The following SIM2 variants were observed in gnomAD, a reference collection of about 807,000 sequenced individuals.
SIM2 encodes single-minded homolog 2.
In SIM2, 28 loss-of-function variants were observed where a neutral mutation model predicts 64.8. The ratio of observed to expected loss-of-function variants is 0.43; its 90% CI spans 0.32 to 0.59. The LOEUF is 0.59. SIM2 is among the 20% of genes least tolerant of loss of function. The pLI is 0.07. For missense variants in SIM2, 847 were observed against 871.4 expected, an observed-to-expected ratio of 0.97 and a Z score of 0.35; for synonymous variants, 408 against 391.1, an observed-to-expected ratio of 1.04 and a Z score of -0.51.
chr21:36,711,032 C>A (rs1364149638), intron 2 of SIM2, among the ~76,000 whole-genome samples: 1 of 152,164 alleles, frequency 6.6e-6, no homozygotes, highest in African/African-American at 2.4e-5. Context: ...TTAATTAATT[C>A]CGGAGTGGTG....
chr21:36,714,214 A>C, intron 3 of SIM2, among the ~76,000 whole-genome samples: 1 of 152,196 alleles, frequency 6.6e-6, no homozygotes, highest in Non-Finnish European at 1.5e-5. Context: ...ACTTGGCCCA[A>C]TTACTTACCT....
In SIM2 at chr21:36,747,833, C is replaced by T. The variant is rs1219474614; in HGVS notation, c.1745C>T (p.Ala582Val). 6 of 1,032,318 alleles carry T rather than the reference C, an allele frequency of 5.8e-6. No homozygotes were observed. The African/African-American group carries it at 8.7e-5, about 15-fold the overall frequency. The allele number at this position is 1,032,318 out of a possible 1,614,324, so 63.9% of individuals were successfully genotyped here. A position where few individuals can be genotyped will look rare whatever the true frequency, so the allele number is the denominator to read the frequency against. The part of the protein sequence containing the change: ...ALARAAPECC[A>V]PPTPEAPGAP... ...GCCCGCGCGGCACCCGAGTGCTGCG[C>T]GCCCCCGACCCCCGAGGCCCCGGGC... Residue 582 changes from alanine to valine, a missense_variant, in exon 11 of 11, where the codon GCG becomes GTG. This residue lies in a region of SIM2 where 447 missense variants were observed against 414.6 expected (regional missense o/e 1.08). Coordinates refer to ENST00000290399, the MANE Select transcript of SIM2 (RefSeq NM_005069.6). The surrounding 1 kb of genome is among the most constrained non-coding windows in gnomAD (Gnocchi z 4.5).
In SIM2 at chr21:36,748,185, A is replaced by G. The variant is rs1161886277; in HGVS notation, c.*93A>G. 2 of 502,370 alleles carry G rather than the reference A, an allele frequency of 4.0e-6. No individual in the cohort carries two copies. Among genetic ancestry groups the G allele is most frequent in the Non-Finnish European group, 5.3e-6 (2 of 375,350 alleles). 31.1% of individuals were successfully genotyped at this position (502,370 alleles called of 1,614,324 possible). ...AAATGCGCACGACCTACATTAATTT[A>G]TGCAGAGACAGCTGTTTGAATTGGA... On this transcript the variant is annotated 3_prime_UTR_variant, in exon 11 of 11. Coordinates refer to ENST00000290399, the MANE Select transcript of SIM2 (RefSeq NM_005069.6).
chr21:36,749,859 G>A lies in SIM2; in HGVS notation c.*1767G>A, dbSNP rs1198162806. On this transcript the variant is annotated 3_prime_UTR_variant, in exon 11 of 11. Coordinates refer to ENST00000290399, the MANE Select transcript of SIM2 (RefSeq NM_005069.6). ...TAGTAAAAATAAATCAAGGCTATCG[G>A]AGCAGTTCAATAACAAAGGTTACTG... 6.6e-6 allele frequency: 1 copy of A among 152,148 alleles called. No individual in the cohort carries two copies. Among genetic ancestry groups the A allele is most frequent in the Admixed American group, 6.5e-5 (1 of 15,268 alleles). The allele number at this position is 152,148 out of a possible 1,614,324, so 9.4% of individuals were successfully genotyped here.
chr21:36,738,333 C>A (rs183297589), intron 7 of SIM2, among the ~76,000 whole-genome samples: 1 of 152,110 alleles, frequency 6.6e-6, no homozygotes, highest in African/African-American at 2.4e-5. Context: ...AGTGAAACCC[C>A]GTCTCTACTA....
At chr21:36,710,636 C>T (rs1223871299) in intron 2 of SIM2, 1 of 152,086 alleles carries the variant, frequency 6.6e-6, no homozygotes, top group Non-Finnish European at 1.5e-5. Context: ...GACGCCATGA[C>T]TTAGGTCAGC....
chr21:36,745,810 C>T lies in SIM2; in HGVS notation c.1576+674C>T, dbSNP rs2089221362. 1 of 1,303,978 alleles carries T rather than the reference C, an allele frequency of 7.7e-7. No homozygotes were observed. Among genetic ancestry groups the T allele is most frequent in the African/African-American group, 1.5e-5 (1 of 65,876 alleles). The allele number at this position is 1,303,978 out of a possible 1,614,324, so 80.8% of individuals were successfully genotyped here. Reference sequence around the variant, plus strand: ...CTGGTGGCAGGCAAGCAGATGTCCTCTGCGGAGATACCGCCAGCTCCCCAG... The same window carrying T: ...CTGGTGGCAGGCAAGCAGATGTCCTTTGCGGAGATACCGCCAGCTCCCCAG... On this transcript the variant is annotated intron_variant, in intron 10 of 10. Transcript: ENST00000290399. The surrounding 1 kb of genome is among the most constrained non-coding windows in gnomAD (Gnocchi z 4.8).
At chr21:36,733,871 AT>A (rs1240117886) in intron 7 of SIM2, among the ~76,000 whole-genome samples, 1 of 151,898 alleles carries the variant, frequency 6.6e-6, no homozygotes, top group Non-Finnish European at 1.5e-5. Flanking sequence ...CGAAGCAGGG[AT>A]TTTTTTCCCC....
At chr21:36,722,379 C>T (rs1026643617) in intron 4 of SIM2, among the ~76,000 whole-genome samples, 1 of 152,150 alleles carries the variant, frequency 6.6e-6, no homozygotes, top group Non-Finnish European at 1.5e-5. Context: ...GGTAACCTTC[C>T]TTTAAAAATT....
At chr21:36,744,217 G>C (rs560529986) in intron 9 of SIM2, among the ~76,000 whole-genome samples, 97 of 151,370 alleles carry the variant, frequency 6.4e-4, no homozygotes, top group Admixed American at 1.3e-3. Context: ...GGGTGACAGA[G>C]CAAGACTCCA....
chr21:36,737,316 T>A (rs1480304583), intron 7 of SIM2, among the ~76,000 whole-genome samples: 1 of 152,190 alleles, frequency 6.6e-6, no homozygotes, highest in Non-Finnish European at 1.5e-5. Context: ...ACCCACCACC[T>A]GAGGTGGCTG....
rs145326898 is a variant in SIM2 at position 36,742,547 on chromosome 21, G to A, written c.998+683G>A. On this transcript the variant is annotated intron_variant, in intron 8 of 10. Transcript: ENST00000290399. ...TGCTGGAATTACAGGCATGAGCCAC[G>A]GTGCCCAGCCTGCAAATACTTTTAA... Among the ~76,000 whole-genome samples, 593 of 152,158 alleles carry A rather than the reference G, an allele frequency of 3.9e-3. 5 individuals carry two copies. Among genetic ancestry groups the A allele is most frequent in the African/African-American group, 0.014 (576 of 41,502 alleles).
chr21:36,736,845 CTTTTCTTTCTTTCTT>C (rs2089062409), intron 7 of SIM2, among the ~76,000 whole-genome samples: 3 of 143,780 alleles, frequency 2.1e-5, no homozygotes, highest in Admixed American at 7.0e-5. Flanking sequence ...CTTTCTCTTT[CTTTTCTTTCTTTCTT>C]TTTCTTTCTT....
intron 4 of SIM2, chr21:36,720,733 C>G (rs2088813800): frequency 6.6e-6 from 1 of 152,200 alleles, no homozygotes; most frequent in African/African-American, 2.4e-5. Context: ...TTAAGAAGCC[C>G]TGGTCATTAC....
intron 1 of SIM2, among the ~76,000 whole-genome samples, chr21:36,703,093 G>A (rs2088527920): frequency 6.6e-6 from 1 of 152,184 alleles, no homozygotes; most frequent in South Asian, 2.1e-4. Flanking sequence ...TGCCACTGCG[G>A]TCCTGTGGGG....
intron 7 of SIM2, among the ~76,000 whole-genome samples, chr21:36,739,643 T>G (rs1214755040): frequency 1.3e-5 from 2 of 152,166 alleles, no homozygotes; most frequent in African/African-American, 4.8e-5. Flanking sequence ...TAGGATCAAT[T>G]CCTAGAAGTG....
At chr21:36,735,437 C>T (rs1459742640) in intron 7 of SIM2, among the ~76,000 whole-genome samples, 3 of 152,252 alleles carry the variant, frequency 2.0e-5, no homozygotes, top group African/African-American at 4.8e-5. Flanking sequence ...ACAGAGGCCA[C>T]GCCTCTCTCT....
intron 2 of SIM2, among the ~76,000 whole-genome samples, chr21:36,711,682 G>C (rs1377805499): frequency 1.3e-5 from 2 of 152,210 alleles, no homozygotes; most frequent in Non-Finnish European, 2.9e-5. Context: ...GGTTGTATGA[G>C]TCTTTCACCA....
intron 9 of SIM2, 91 bp from the exon 10 acceptor site, chr21:36,744,631 ATGGGGT>A (rs2089205567): frequency 7.0e-7 from 1 of 1,425,748 alleles, no homozygotes; most frequent in Non-Finnish European, 9.3e-7. Context: ...CAGCCCTTGG[ATGGGGT>A]TGGGCCCCGT....
Sources: allele counts gnomAD v4.1 joint callset (sites outside exome capture counted in the v4.1 genomes callset), GRCh38; gene constraint gnomAD v4.1.1; regional missense constraint gnomAD v4.1.1; non-coding constraint Gnocchi (gnomAD v3.1); transcripts MANE v1.5; gene names NCBI Gene and HGNC (gene_info 2026-07-23, HGNC 2026-07-21).